Variants in ANK2 observed in about 807,000 individuals in gnomAD.
ANK2 encodes ankyrin-2.
ANK2 carries 83 observed loss-of-function variants against 360.5 expected under a neutral mutation model. The observed-to-expected ratio is 0.23, with a 90% CI of 0.19 to 0.28. The LOEUF is 0.28. Ranked by LOEUF, ANK2 falls within the 10% of genes least tolerant of loss-of-function variation. The pLI is 1.00. For missense variants in ANK2, 4,201 were observed against 4,795.7 expected (o/e 0.88, Z 3.66); for synonymous variants, 1,740 against 1,759.5 (o/e 0.99, Z 0.28).
At chr4:112,973,188 T>TA (rs34597000) in intron 2 of ANK2, among the ~76,000 whole-genome samples, 12,993 of 134,696 alleles carry the variant, frequency 0.096, 879 homozygotes, top group African/African-American at 0.22. Flanking sequence ...ATTTGCATTG[T>TA]AAAAAAAAAA....
At chr4:113,004,139 T>G (rs1561497386) in intron 2 of ANK2, among the ~76,000 whole-genome samples, 1 of 152,250 alleles carries the variant, frequency 6.6e-6, no homozygotes, top group African/African-American at 2.4e-5. Flanking sequence ...TCACAAACAC[T>G]GTGCACTTAG....
chr4:113,355,117 G>T lies in ANK2; in HGVS notation c.6499G>T (p.Asp2167Tyr). 6.2e-7 allele frequency: 1 copy of T among 1,614,092 alleles called. No homozygotes were observed. Among genetic ancestry groups the T allele is most frequent in the Non-Finnish European group, 8.5e-7 (1 of 1,179,990 alleles). ...EETEKAQLHL[D>Y]QVLTSPFNTT... is the part of the protein sequence containing the mutation. ...GACAGAAAAGGCACAGCTTCACTTA[G>T]ACCAAGTACTCACTAGTCCTTTCAA... The change falls in exon 38 of 46, where the codon GAC (aspartate) becomes TAC (tyrosine). Residue 2167 changes from aspartate (D) to tyrosine (Y), a missense_variant. Coordinates refer to ENST00000357077, the MANE Select transcript of ANK2 (RefSeq NM_001148.6).
the ANK2 span, among the ~76,000 whole-genome samples, chr4:112,717,284 G>T: frequency 6.6e-6 from 1 of 152,164 alleles, no homozygotes; most frequent in South Asian, 2.1e-4. Context: ...TTGGGCTTGT[G>T]TGACCTTTTT....
intron 2 of ANK2, among the ~76,000 whole-genome samples, chr4:112,984,830 T>C (rs1175689259): frequency 3.9e-5 from 6 of 152,174 alleles, no homozygotes; most frequent in Non-Finnish European, 8.8e-5. Context: ...TAGATCATCT[T>C]TGGACTGAGG....
intron 1 of ANK2, among the ~76,000 whole-genome samples, chr4:113,118,368 A>T (rs1338101421): frequency 6.6e-6 from 1 of 152,184 alleles, no homozygotes; most frequent in Non-Finnish European, 1.5e-5. Flanking sequence ...TGCAATGGGG[A>T]TCCATATACT....
At chr4:112,782,525 A>G in the ANK2 span, among the ~76,000 whole-genome samples, 96 of 152,080 alleles carry the variant, frequency 6.3e-4, no homozygotes, top group African/African-American at 2.2e-3. Flanking sequence ...TCCTTAGTAT[A>G]CCCCTGTGAG....
intron 9 of ANK2, among the ~76,000 whole-genome samples, chr4:113,247,217 AC>A (rs1387233564): frequency 1.3e-5 from 2 of 152,046 alleles, no homozygotes; most frequent in East Asian, 3.8e-4. Flanking sequence ...AGGGGGAAAA[AC>A]CCATAACCTG....
the ANK2 span, among the ~76,000 whole-genome samples, chr4:112,775,285 G>A: frequency 8.5e-5 from 13 of 152,214 alleles, no homozygotes; most frequent in African/African-American, 2.2e-4. Flanking sequence ...TTTGGAGGCC[G>A]AGGCAGGTGG....
chr4:112,873,554 T>C (rs2073981644), intron 1 of ANK2, among the ~76,000 whole-genome samples: 1 of 150,750 alleles, frequency 6.6e-6, no homozygotes, highest in Admixed American at 6.6e-5. Flanking sequence ...TTTTTTTTTT[T>C]GAGATGGAGT....
intron 24 of ANK2, among the ~76,000 whole-genome samples, chr4:113,312,392 T>C (rs575412978): frequency 5.3e-5 from 8 of 152,298 alleles, no homozygotes; most frequent in African/African-American, 1.9e-4. Flanking sequence ...AGCTATTTTA[T>C]GAATATCCAG....
chr4:112,873,664 G>A (rs1051801920), intron 1 of ANK2, among the ~76,000 whole-genome samples: 2 of 149,008 alleles, frequency 1.3e-5, no homozygotes, highest in Admixed American at 6.7e-5. Context: ...AGCCTCCCGA[G>A]TAGCTGGGAC....
At chr4:113,120,507 G>A (rs537386002) in intron 1 of ANK2, among the ~76,000 whole-genome samples, 4 of 152,222 alleles carry the variant, frequency 2.6e-5, no homozygotes, top group African/African-American at 7.2e-5. Context: ...TTTCCCAACT[G>A]TACGTTTTTT....
intron 20 of ANK2, 35 bp downstream of exon 20, chr4:113,288,521 G>A (rs745416954): frequency 4.5e-6 from 7 of 1,571,682 alleles, no homozygotes; most frequent in Middle Eastern, 1.7e-4. Context: ...ATTCCTATAA[G>A]CAAAAAGGTT....
At chr4:112,948,062 C>T (rs923482770) in intron 2 of ANK2, among the ~76,000 whole-genome samples, 7 of 152,200 alleles carry the variant, frequency 4.6e-5, no homozygotes, top group Non-Finnish European at 1.0e-4. Flanking sequence ...CATGCAAACC[C>T]ACAATTATCA....
Position 113,336,797 on chromosome 4 carries a change from CTG to C in ANK2, c.3796+20_3796+21del. 6.2e-7 allele frequency: 1 copy of C among 1,611,638 alleles called. No individual in the cohort carries two copies. Among genetic ancestry groups the C allele is most frequent in the Non-Finnish European group, 8.5e-7 (1 of 1,177,760 alleles). On this transcript the variant is annotated intron_variant, in intron 31 of 45. Coordinates refer to ENST00000357077, the MANE Select transcript of ANK2 (RefSeq NM_001148.6). ...AGCATAACAGGTGAGTCACATATGA[CTG>C]TGTTCGTAGAGAGTTCTGAAAAAAG...
chr4:113,303,493 G>A (rs1393419295), intron 23 of ANK2, among the ~76,000 whole-genome samples: 6 of 152,188 alleles, frequency 3.9e-5, no homozygotes, highest in African/African-American at 1.4e-4. Flanking sequence ...GGAGCAGTGG[G>A]GACTGCCTGG....
At chr4:113,328,523 C>T (rs2091235685) in intron 26 of ANK2, among the ~76,000 whole-genome samples, 1 of 152,216 alleles carries the variant, frequency 6.6e-6, no homozygotes, top group South Asian at 2.1e-4. Flanking sequence ...AGAATTCATA[C>T]TGGAAGACTA....
At chr4:112,815,681 T>C (rs551764071), upstream of ANK2, among the ~76,000 whole-genome samples, 3 of 152,298 alleles carry the variant, frequency 2.0e-5, no homozygotes, top group South Asian at 6.2e-4. Context: ...GGCTGAAAAT[T>C]GAGTCAGTCT....
chr4:113,176,834 A>G (rs923703283), intron 2 of ANK2, among the ~76,000 whole-genome samples: 2 of 152,036 alleles, frequency 1.3e-5, no homozygotes, highest in South Asian at 2.1e-4. Context: ...CCTGTGTCCA[A>G]GTGTTCTCAT....
Sources: allele counts gnomAD v4.1 joint callset (sites outside exome capture counted in the v4.1 genomes callset), GRCh38; gene constraint gnomAD v4.1.1; transcripts MANE v1.5; gene names NCBI Gene and HGNC (gene_info 2026-07-23, HGNC 2026-07-21).